The following SELENOF variants were observed in gnomAD, a reference collection of about 807,000 sequenced individuals.
SELENOF encodes selenoprotein F, also known as 15 kDa selenoprotein.
A neutral mutation model predicts 20.5 loss-of-function variants in SELENOF; 16 were observed. The ratio of observed to expected loss-of-function variants is 0.78; its 90% CI spans 0.53 to 1.19. SELENOF has a LOEUF of 1.19. Among genes scored for constraint, SELENOF ranks in the 50% most tolerant of loss-of-function variants. The pLI, the probability that SELENOF is intolerant of heterozygous loss-of-function variation, is 0.00. For synonymous variants in SELENOF, 78 were observed against 74.5 expected, an observed-to-expected ratio of 1.05 and a Z score of -0.24; for missense variants, 215 against 194.2, an observed-to-expected ratio of 1.11 and a Z score of -0.64.
intron 3 of SELENOF, among the ~76,000 whole-genome samples, chr1:86,879,080 A>G (rs897788152): frequency 2.6e-5 from 4 of 152,202 alleles, no homozygotes; most frequent in Admixed American, 2.6e-4. Flanking sequence ...TATCATAACT[A>G]GGAAGGCCAA....
At chr1:86,898,462 G>C (rs991729705) in intron 2 of SELENOF, among the ~76,000 whole-genome samples, 1 of 151,990 alleles carries the variant, frequency 6.6e-6, no homozygotes, top group Non-Finnish European at 1.5e-5. Flanking sequence ...CTCATCCTTA[G>C]ATAGACCTAT....
chr1:86,899,568 G>A (rs1442575151), intron 2 of SELENOF, among the ~76,000 whole-genome samples: 10 of 150,162 alleles, frequency 6.7e-5, no homozygotes, highest in East Asian at 2.0e-4. Flanking sequence ...CCTCCCGGAC[G>A]GGGCGGCTGG....
chr1:86,864,642 T>C lies in SELENOF; in HGVS notation c.367-1037A>G, dbSNP rs1254733745. 2.7e-5 allele frequency among the ~76,000 whole-genome samples: 4 copies of C among 147,236 alleles called. No homozygotes were observed. The Admixed American group carries it at 2.7e-4, about 10-fold the overall frequency. On this transcript the variant is annotated intron_variant, in intron 4 of 4. Transcript: ENST00000331835. Reference sequence around the variant, plus strand: ...CTTAACCATTTTTGGTCAGGTTACTTTTTTTTTTTTTTTGGGATGGAGTTT... The same window carrying C: ...CTTAACCATTTTTGGTCAGGTTACTCTTTTTTTTTTTTTGGGATGGAGTTT...
At chr1:86,913,875 G>A (rs1352031483) in intron 1 of SELENOF, 153 bp downstream of exon 1, 2 of 686,072 alleles carry the variant, frequency 2.9e-6, no homozygotes, top group Admixed American at 2.6e-5. Context: ...AGGATCAACC[G>A]AGAAATTAAG....
At chr1:86,888,738 A>G (rs547014311) in intron 2 of SELENOF, among the ~76,000 whole-genome samples, 1 of 152,212 alleles carries the variant, frequency 6.6e-6, no homozygotes, top group Non-Finnish European at 1.5e-5. Flanking sequence ...ATCTCGGCTC[A>G]CTGCAACCCC....
intron 1 of SELENOF, among the ~76,000 whole-genome samples, chr1:86,910,595 T>TTTGGGAGGCTGAGGCAGGAGACTGGC (rs1659953706): frequency 1.3e-5 from 2 of 148,686 alleles, no homozygotes; most frequent in African/African-American, 5.2e-5. Flanking sequence ...TCCCAGCTAC[T>TTTGGGAGGCTGAGGCAGGAGACTGGC]TGGGAGGCTG....
Position 86,899,333 on chromosome 1 carries a change from AGGGG to A in SELENOF, c.252+3944_252+3947del, listed in dbSNP as rs1431463042. 2.7e-4 allele frequency among the ~76,000 whole-genome samples: 37 copies of A among 138,198 alleles called. 2 individuals are homozygous for A. Among genetic ancestry groups the A allele is most frequent in the Non-Finnish European group, 3.8e-4 (24 of 63,282 alleles). 90.7% of individuals were successfully genotyped at this position (138,198 alleles called of 152,430 possible). On this transcript the variant is annotated intron_variant, in intron 2 of 4. Transcript: ENST00000331835. ...CCCAGATGGGGTGGTGGCCGGGCAGAGGGGCTCCTCACTTCCCAGTAGGGGCGGC... is the reference window on the plus strand; with the variant it reads ...CCCAGATGGGGTGGTGGCCGGGCAGACTCCTCACTTCCCAGTAGGGGCGGC...
chr1:86,896,264 G>T (rs1295753725), intron 2 of SELENOF, among the ~76,000 whole-genome samples: 1 of 151,552 alleles, frequency 6.6e-6, no homozygotes, highest in African/African-American at 2.4e-5. Flanking sequence ...GGGGGGGAGG[G>T]GGAGGGGCGG....
chr1:86,872,447 C>T (rs1016925018), intron 3 of SELENOF, among the ~76,000 whole-genome samples: 7 of 152,132 alleles, frequency 4.6e-5, no homozygotes, highest in Non-Finnish European at 7.4e-5. Flanking sequence ...TGGCTCACCG[C>T]AACCTCCGCC....
At chr1:86,878,193 A>C (rs1426106567) in intron 3 of SELENOF, among the ~76,000 whole-genome samples, 4 of 152,224 alleles carry the variant, frequency 2.6e-5, no homozygotes, top group African/African-American at 9.6e-5. Flanking sequence ...CACAACTGTG[A>C]GTGGTTTAAT....
intron 3 of SELENOF, among the ~76,000 whole-genome samples, chr1:86,877,652 C>T (rs1279348211): frequency 6.6e-6 from 1 of 152,118 alleles, no homozygotes; most frequent in African/African-American, 2.4e-5. Flanking sequence ...TGAGGATGCT[C>T]AATTTGTACT....
chr1:86,889,457 G>A (rs1485058371), intron 2 of SELENOF, among the ~76,000 whole-genome samples: 2 of 152,076 alleles, frequency 1.3e-5, no homozygotes, highest in African/African-American at 4.8e-5. Context: ...AGCTGGGTGT[G>A]GTGGCACATG....
At chr1:86,898,282 AAGGG>A (rs1437832389) in intron 2 of SELENOF, among the ~76,000 whole-genome samples, 3 of 152,182 alleles carry the variant, frequency 2.0e-5, no homozygotes, top group Non-Finnish European at 4.4e-5. Context: ...TCAAAACTGG[AAGGG>A]AGGGAGACCA....
chr1:86,912,000 G>C (rs1659996950), intron 1 of SELENOF, among the ~76,000 whole-genome samples: 1 of 152,110 alleles, frequency 6.6e-6, no homozygotes, highest in South Asian at 2.1e-4. Flanking sequence ...TTGAACTCCT[G>C]ACCTCAGGTG....
intron 3 of SELENOF, among the ~76,000 whole-genome samples, chr1:86,870,625 T>TA (rs1215429908): frequency 6.6e-6 from 1 of 150,594 alleles, no homozygotes; most frequent in Non-Finnish European, 1.5e-5. Context: ...ATTAAAATAT[T>TA]TTTTTTTTTT....
chr1:86,896,496 T>C (rs889264886), intron 2 of SELENOF, among the ~76,000 whole-genome samples: 1 of 152,148 alleles, frequency 6.6e-6, no homozygotes, highest in Non-Finnish European at 1.5e-5. Flanking sequence ...AAATAGTGAA[T>C]AGTTCAAAAA....
chr1:86,896,565 C>T (rs972552783), intron 2 of SELENOF, among the ~76,000 whole-genome samples: 2 of 152,120 alleles, frequency 1.3e-5, no homozygotes, highest in African/African-American at 4.8e-5. Flanking sequence ...CAATTTTAAT[C>T]TGATGGTCAT....
chr1:86,913,961 T>C, intron 1 of SELENOF, 67 bp downstream of exon 1: 2 of 1,433,600 alleles, frequency 1.4e-6, no homozygotes, highest in South Asian at 2.3e-5. Context: ...GACCGAATGT[T>C]GCGTCTTTCT....
intron 2 of SELENOF, 52 bp from the exon 3 acceptor site, chr1:86,880,777 C>T (rs1659048222): frequency 1.8e-6 from 2 of 1,124,630 alleles, no homozygotes; most frequent in Non-Finnish European, 1.3e-6. Context: ...TAAAAATGTA[C>T]TTATAAAATA....
Sources: gnomAD v4.1 joint callset for allele counts (sites outside exome capture counted in the v4.1 genomes callset) on GRCh38, gnomAD v4.1.1 for gene constraint, MANE v1.5 for transcripts, NCBI Gene and HGNC (gene_info 2026-07-23, HGNC 2026-07-21) for gene names.